The following PARP8 variants were observed in gnomAD, a reference collection of about 807,000 sequenced individuals.
PARP8 encodes the protein poly(ADP-ribose) polymerase family member 8.
A neutral mutation model predicts 124.1 loss-of-function variants in PARP8; 51 were observed. That is an observed-to-expected ratio of 0.41 (90% CI 0.33 to 0.52). The LOEUF (loss-of-function observed/expected upper bound fraction) is 0.52. Ranked by LOEUF, PARP8 falls within the 20% of genes least tolerant of loss-of-function variation. The pLI, the probability that PARP8 is intolerant of heterozygous loss-of-function variation, is 0.21. For missense variants in PARP8, 860 were observed against 1,018.9 expected, an observed-to-expected ratio of 0.84 and a Z score of 2.12; for synonymous variants, 391 against 361.5, an observed-to-expected ratio of 1.08 and a Z score of -0.93.
At chr5:50,800,695 T>C (rs1743104999) in intron 14 of PARP8, among the ~76,000 whole-genome samples, 1 of 152,086 alleles carries the variant, frequency 6.6e-6, no homozygotes. Context: ...TAATATGATG[T>C]ATTACACTGA....
intron 14 of PARP8, among the ~76,000 whole-genome samples, chr5:50,814,701 C>T (rs1744890288): frequency 6.6e-6 from 1 of 152,112 alleles, no homozygotes; most frequent in Non-Finnish European, 1.5e-5. Flanking sequence ...AGCAGTGGCA[C>T]TAACAAATGC....
intron 3 of PARP8, among the ~76,000 whole-genome samples, chr5:50,756,482 C>G (rs1260775714): frequency 1.3e-5 from 2 of 151,908 alleles, no homozygotes; most frequent in Admixed American, 1.3e-4. Context: ...TAAGCAAGAA[C>G]AAAAAGCCAA....
In PARP8 at chr5:50,750,132, T is replaced by G; in HGVS notation, c.147-19T>G. 2 of 1,436,194 alleles carry G rather than the reference T, an allele frequency of 1.4e-6. No individual in the cohort carries two copies. The highest frequency in any genetic ancestry group is 9.6e-7 in the Non-Finnish European group (1 of 1,044,502). 89.0% of individuals were successfully genotyped at this position (1,436,194 alleles called of 1,614,324 possible). ...CCTTAGCAATAACTTGAGCCTTTTT[T>G]GTTTGTTTGTTTTAACAGTGTATCC... On this transcript the variant is annotated intron_variant, in intron 2 of 25. Transcript: ENST00000281631.
chr5:50,709,953 T>TATAC (rs1341944017), intron 2 of PARP8, among the ~76,000 whole-genome samples: 2 of 75,020 alleles, frequency 2.7e-5, no homozygotes, highest in African/African-American at 8.1e-5. Context: ...TATATATATA[T>TATAC]ATACACATAC....
intron 2 of PARP8, chr5:50,739,070 C>T (rs1428335358): frequency 2.8e-6 from 2 of 702,352 alleles, no homozygotes; most frequent in African/African-American, 1.7e-5. Context: ...CTAGGAGGAG[C>T]AAGAGACTTC....
chr5:50,830,962 G>C (rs1746904516), intron 22 of PARP8, among the ~76,000 whole-genome samples: 1 of 152,032 alleles, frequency 6.6e-6, no homozygotes, highest in Non-Finnish European at 1.5e-5. Flanking sequence ...TGATAACCAG[G>C]TGAACATTAA....
chr5:50,788,212 T>C, intron 9 of PARP8, among the ~76,000 whole-genome samples: 1 of 145,504 alleles, frequency 6.9e-6, no homozygotes, highest in East Asian at 2.0e-4. Context: ...ATATATATTA[T>C]TATACATTAT....
At chr5:50,808,825 T>C (rs535184298) in intron 14 of PARP8, among the ~76,000 whole-genome samples, 16 of 152,090 alleles carry the variant, frequency 1.1e-4, no homozygotes, top group African/African-American at 3.6e-4. Context: ...CCTAGGTATG[T>C]CCCATTTTAC....
chr5:50,740,716 G>T (rs1309695733), intron 2 of PARP8, among the ~76,000 whole-genome samples: 1 of 151,966 alleles, frequency 6.6e-6, no homozygotes, highest in African/African-American at 2.4e-5. Context: ...GGGAGGCTGA[G>T]GTGGGAGGAT....
At chr5:50,699,609 C>T (rs766571776) in intron 2 of PARP8, among the ~76,000 whole-genome samples, 2 of 152,064 alleles carry the variant, frequency 1.3e-5, no homozygotes, top group African/African-American at 2.4e-5. Flanking sequence ...TTGTGGGTCA[C>T]CCAAATTATT....
intron 14 of PARP8, among the ~76,000 whole-genome samples, chr5:50,812,116 G>A (rs1047037727): frequency 8.5e-5 from 13 of 152,284 alleles, no homozygotes; most frequent in African/African-American, 2.2e-4. Context: ...TAATGGGATC[G>A]CTGAGTCAAA....
In PARP8 at chr5:50,809,005, T is replaced by G. The variant is rs377450964; in HGVS notation, c.1576-6427T>G. ...AAATAATAATTATGCCAAAAAACTT[T>G]TAGTTCAAAAACATGGTTTAAAAAA... On this transcript the variant is annotated intron_variant, in intron 14 of 25. Transcript: ENST00000281631. Among the ~76,000 whole-genome samples, 296 of 149,376 alleles carry G rather than the reference T, an allele frequency of 2.0e-3. 3 individuals carry two copies. Among genetic ancestry groups the G allele is most frequent in the African/African-American group, 6.9e-3 (280 of 40,542 alleles).
intron 14 of PARP8, among the ~76,000 whole-genome samples, chr5:50,811,516 A>AT (rs1213803176): frequency 6.6e-6 from 1 of 151,618 alleles, no homozygotes; most frequent in Non-Finnish European, 1.5e-5. Flanking sequence ...TTTCTTTGAA[A>AT]TTTTTCCTGG....
intron 12 of PARP8, 75 bp downstream of exon 12, chr5:50,795,492 C>A: frequency 8.0e-7 from 1 of 1,252,122 alleles, no homozygotes; most frequent in Non-Finnish European, 1.1e-6. Context: ...CTTATAAGAT[C>A]TGGTGGAGAA....
intron 22 of PARP8, among the ~76,000 whole-genome samples, 157 bp downstream of exon 22, chr5:50,830,118 G>T (rs566519733): frequency 1.3e-4 from 20 of 152,038 alleles, no homozygotes; most frequent in Admixed American, 5.9e-4. Flanking sequence ...CCATTTTCAA[G>T]ATGAATTTAT....
intron 23 of PARP8, among the ~76,000 whole-genome samples, 200 bp downstream of exon 23, chr5:50,833,054 C>T (rs1219125361): frequency 1.3e-5 from 2 of 152,060 alleles, no homozygotes; most frequent in Non-Finnish European, 2.9e-5. Context: ...TATTTATCTC[C>T]CACTATAATA....
intron 5 of PARP8, 32 bp from the exon 6 acceptor site, chr5:50,761,789 A>G (rs776344070): frequency 3.6e-6 from 5 of 1,370,278 alleles, no homozygotes; most frequent in Non-Finnish European, 5.1e-6. Context: ...TAATTTGACC[A>G]TTAAATTGTT....
At chr5:50,836,419 G>A (rs576713838) in intron 25 of PARP8, among the ~76,000 whole-genome samples, 1 of 152,236 alleles carries the variant, frequency 6.6e-6, no homozygotes, top group East Asian at 1.9e-4. Context: ...TATTTACAAG[G>A]GTATGATTAT....
chr5:50,742,949 C>T (rs528318957), intron 2 of PARP8, among the ~76,000 whole-genome samples: 2 of 152,168 alleles, frequency 1.3e-5, no homozygotes, highest in Non-Finnish European at 2.9e-5. Flanking sequence ...AAATGAAGCT[C>T]AGAGGGACTG....
Sources: allele counts gnomAD v4.1 joint callset (sites outside exome capture counted in the v4.1 genomes callset), GRCh38; gene constraint gnomAD v4.1.1; transcripts MANE v1.5; gene names NCBI Gene and HGNC (gene_info 2026-07-23, HGNC 2026-07-21).